The following MOB1B variants were observed in gnomAD, a reference collection of about 807,000 sequenced individuals.
MOB1B encodes the protein MOB1 Mps One Binder homolog B.
A neutral mutation model predicts 24.4 loss-of-function variants in MOB1B; 19 were observed. The observed-to-expected ratio is 0.78, with a 90% CI of 0.54 to 1.14. The LOEUF (loss-of-function observed/expected upper bound fraction) is 1.14. Ranked by LOEUF, MOB1B falls within the 50% of genes most tolerant of loss-of-function variation. The probability of loss-of-function intolerance (pLI) is 0.00; values close to 1 mark genes in which losing one functional copy is unlikely to be tolerated. For missense variants in MOB1B, 243 were observed against 259.6 expected (o/e 0.94, Z 0.44); for synonymous variants, 76 against 82.1 (o/e 0.93, Z 0.40).
intron 1 of MOB1B, among the ~76,000 whole-genome samples, chr4:70,956,351 C>T (rs1738051646): frequency 6.6e-6 from 1 of 152,090 alleles, no homozygotes; most frequent in African/African-American, 2.4e-5. Context: ...TTGTCTTGAA[C>T]TCCTAGGTTC....
chr4:70,929,392 T>C (rs574067541), intron 1 of MOB1B, among the ~76,000 whole-genome samples: 1 of 152,112 alleles, frequency 6.6e-6, no homozygotes, highest in African/African-American at 2.4e-5. Flanking sequence ...TTGGCCAGGC[T>C]GATCTCCAAC....
chr4:70,921,394 A>C (rs1455044259), intron 1 of MOB1B, among the ~76,000 whole-genome samples: 2 of 151,444 alleles, frequency 1.3e-5, no homozygotes, highest in African/African-American at 2.4e-5. Context: ...CTCCACAGTA[A>C]ATCCAGCTTC....
intron 1 of MOB1B, among the ~76,000 whole-genome samples, chr4:70,942,590 GA>G (rs1411870387): frequency 6.6e-6 from 1 of 152,062 alleles, no homozygotes; most frequent in African/African-American, 2.4e-5. Flanking sequence ...GTTTTTAATT[GA>G]AATAAAACTT....
At chr4:70,912,845 C>T (rs1022208368) in intron 1 of MOB1B, among the ~76,000 whole-genome samples, 2 of 152,202 alleles carry the variant, frequency 1.3e-5, no homozygotes, top group Admixed American at 6.5e-5. Flanking sequence ...ACTGCAGCCT[C>T]GACTTCCTAG....
chr4:70,951,615 T>G (rs1226166063), intron 1 of MOB1B, among the ~76,000 whole-genome samples: 1 of 152,228 alleles, frequency 6.6e-6, no homozygotes, highest in Non-Finnish European at 1.5e-5. Flanking sequence ...CATTCCATAG[T>G]GGCTGAGCAT....
At chr4:70,930,483 C>A (rs7667343) in intron 1 of MOB1B, among the ~76,000 whole-genome samples, 152,349 of 152,358 alleles carry the variant, frequency 1, 76,170 homozygotes, top group Non-Finnish European at 1. Flanking sequence ...AGTAAACAGT[C>A]GTGTCCAATT....
Position 70,944,405 on chromosome 4 carries a change from A to G in MOB1B, c.15-14469A>G, listed in dbSNP as rs567251948. 1.1e-3 allele frequency among the ~76,000 whole-genome samples: 162 copies of G among 152,244 alleles called. 1 individual carries two copies. In the Middle Eastern group the frequency reaches 0.02, roughly 19 times the overall value. On this transcript the variant is annotated intron_variant, in intron 1 of 5. Transcript: ENST00000309395. ...CCACTTCTTCATATGTCAACAGTGT[A>G]CTTTTTTCTCTACCATGACTGATCA...
At chr4:70,968,375 G>A (rs1738620461) in intron 2 of MOB1B, among the ~76,000 whole-genome samples, 1 of 152,024 alleles carries the variant, frequency 6.6e-6, no homozygotes, top group African/African-American at 2.4e-5. Context: ...GTGATGGCAC[G>A]ATCTCGGGTC....
At chr4:70,914,943 G>A (rs908443039) in intron 1 of MOB1B, among the ~76,000 whole-genome samples, 1 of 152,202 alleles carries the variant, frequency 6.6e-6, no homozygotes, top group Non-Finnish European at 1.5e-5. Flanking sequence ...ATGTGTGACA[G>A]TAATGTGTTT....
intron 1 of MOB1B, among the ~76,000 whole-genome samples, chr4:70,932,444 A>T (rs1736921830): frequency 6.6e-6 from 1 of 152,168 alleles, no homozygotes; most frequent in South Asian, 2.1e-4. Flanking sequence ...TGCCTGAGTT[A>T]AATAATAATA....
intron 1 of MOB1B, among the ~76,000 whole-genome samples, chr4:70,911,881 A>G (rs1212705037): frequency 6.6e-6 from 1 of 150,950 alleles, no homozygotes; most frequent in Non-Finnish European, 1.5e-5. Context: ...TTTTATATTA[A>G]CCAACTTAAG....
rs953823676 is a variant in MOB1B, at chr4:70,946,858, T to A, written c.15-12016T>A. On this transcript the variant is annotated intron_variant, in intron 1 of 5. Coordinates refer to ENST00000309395, the MANE Select transcript of MOB1B (RefSeq NM_173468.4). ...GAGGGAGGGTAGGCAGTGAGGCAAGTGGTTACATTCTTGTGAGGCTCTGAT... is the reference window on the plus strand; with the variant it reads ...GAGGGAGGGTAGGCAGTGAGGCAAGAGGTTACATTCTTGTGAGGCTCTGAT... 7.2e-5 allele frequency among the ~76,000 whole-genome samples: 11 copies of A among 152,050 alleles called. No homozygotes were observed. In the South Asian group the frequency reaches 8.3e-4, roughly 11 times the overall value.
At chr4:70,925,116 T>C (rs954902116) in intron 1 of MOB1B, among the ~76,000 whole-genome samples, 1 of 152,182 alleles carries the variant, frequency 6.6e-6, no homozygotes, top group Non-Finnish European at 1.5e-5. Flanking sequence ...CAATCTGGGC[T>C]CACTGCAACC....
intron 1 of MOB1B, among the ~76,000 whole-genome samples, chr4:70,940,391 C>G (rs1317451590): frequency 3.3e-5 from 5 of 152,186 alleles, no homozygotes; most frequent in Non-Finnish European, 7.3e-5. Flanking sequence ...CCACTGCACT[C>G]TAGCCTGGGT....
chr4:70,912,930 A>C (rs1437291439), intron 1 of MOB1B, among the ~76,000 whole-genome samples: 1 of 151,924 alleles, frequency 6.6e-6, no homozygotes, highest in East Asian at 2.0e-4. Flanking sequence ...CCGGCTAATC[A>C]TTTTTTTGTG....
intron 1 of MOB1B, among the ~76,000 whole-genome samples, chr4:70,916,857 C>G (rs1736216644): frequency 6.6e-6 from 1 of 152,232 alleles, no homozygotes; most frequent in African/African-American, 2.4e-5. Flanking sequence ...GCATGAGCCA[C>G]TGCGCCTGGC....
At chr4:70,921,664 A>G (rs1469072869) in intron 1 of MOB1B, among the ~76,000 whole-genome samples, 3 of 151,858 alleles carry the variant, frequency 2.0e-5, no homozygotes, top group African/African-American at 7.3e-5. Flanking sequence ...ATGTGCCGCT[A>G]TGCCCAGCTA....
intron 2 of MOB1B, among the ~76,000 whole-genome samples, chr4:70,968,707 TG>T (rs1738637600): frequency 6.6e-6 from 1 of 152,176 alleles, no homozygotes; most frequent in Non-Finnish European, 1.5e-5. Context: ...CTCGAACTCC[TG>T]GGGTCAAGCA....
intron 1 of MOB1B, among the ~76,000 whole-genome samples, chr4:70,926,951 T>C (rs1170858850): frequency 5.3e-5 from 8 of 150,106 alleles, no homozygotes; most frequent in Non-Finnish European, 1.2e-4. Flanking sequence ...GAGCCGAGAT[T>C]GTGACACTGC....
Sources: gnomAD v4.1 joint callset for allele counts (sites outside exome capture counted in the v4.1 genomes callset) on GRCh38, gnomAD v4.1.1 for gene constraint, MANE v1.5 for transcripts, NCBI Gene and HGNC (gene_info 2026-07-23, HGNC 2026-07-21) for gene names.